OSBPL1A: variants seen among roughly 807,000 people sequenced by gnomAD.
The protein encoded by OSBPL1A is oxysterol-binding protein-related protein 1.
OSBPL1A carries 80 observed loss-of-function variants against 137.1 expected under a neutral mutation model. That is an observed-to-expected ratio of 0.58 (90% CI 0.49 to 0.70). The LOEUF is 0.70. OSBPL1A is among the 30% of genes least tolerant of loss of function. The pLI is 0.00. For missense variants in OSBPL1A, 970 were observed against 1,129.4 expected (o/e 0.86, Z 2.02); for synonymous variants, 365 against 389.7 (o/e 0.94, Z 0.75).
intron 4 of OSBPL1A, among the ~76,000 whole-genome samples, chr18:24,353,805 A>G (rs1420837139): frequency 6.6e-6 from 1 of 151,914 alleles, no homozygotes; most frequent in Non-Finnish European, 1.5e-5. Flanking sequence ...ATACTCAGCA[A>G]ACTATCGCAA....
chr18:24,188,055 G>C (rs1411639885), intron 18 of OSBPL1A, among the ~76,000 whole-genome samples: 1 of 152,202 alleles, frequency 6.6e-6, no homozygotes, highest in Non-Finnish European at 1.5e-5. Flanking sequence ...AGCTTTACCT[G>C]TAAGTCTGAT....
At chr18:24,295,775 G>A in intron 14 of OSBPL1A, among the ~76,000 whole-genome samples, 1 of 151,420 alleles carries the variant, frequency 6.6e-6, no homozygotes, top group Non-Finnish European at 1.5e-5. Flanking sequence ...TTATGTTTTT[G>A]TATGCTTTGT....
intron 4 of OSBPL1A, among the ~76,000 whole-genome samples, chr18:24,364,410 T>C (rs560964615): frequency 1.3e-5 from 2 of 152,222 alleles, no homozygotes; most frequent in South Asian, 4.1e-4. Flanking sequence ...CCACTGCTGC[T>C]CAAATACAGG....
chr18:24,182,235 A>G (rs951141383), intron 18 of OSBPL1A, among the ~76,000 whole-genome samples: 5 of 152,234 alleles, frequency 3.3e-5, no homozygotes, highest in Admixed American at 1.3e-4. Flanking sequence ...GCGACTCTCA[A>G]AAATAATTTA....
At chr18:24,218,827 A>T (rs1381313362) in intron 17 of OSBPL1A, among the ~76,000 whole-genome samples, 1 of 152,220 alleles carries the variant, frequency 6.6e-6, no homozygotes, top group Non-Finnish European at 1.5e-5. Flanking sequence ...TTCTCACCAT[A>T]AAAAATAAGC....
At chr18:24,263,929 G>A (rs2089505713) in intron 15 of OSBPL1A, among the ~76,000 whole-genome samples, 1 of 152,090 alleles carries the variant, frequency 6.6e-6, no homozygotes, top group South Asian at 2.1e-4. Flanking sequence ...GAGCCACTAC[G>A]TTCAGCCTAT....
chr18:24,201,898 A>G (rs2087232483), intron 17 of OSBPL1A, among the ~76,000 whole-genome samples: 1 of 152,202 alleles, frequency 6.6e-6, no homozygotes, highest in Non-Finnish European at 1.5e-5. Flanking sequence ...GCTAGGCTAG[A>G]CACTCAACAC....
chr18:24,258,294 G>A (rs1435177880), intron 15 of OSBPL1A, among the ~76,000 whole-genome samples: 3 of 152,098 alleles, frequency 2.0e-5, no homozygotes, highest in Admixed American at 6.5e-5. Context: ...ATAAAAAAAA[G>A]AACAAGATCC....
At chr18:24,397,142 T>C (rs1428708965) in intron 1 of OSBPL1A, among the ~76,000 whole-genome samples, 1 of 152,212 alleles carries the variant, frequency 6.6e-6, no homozygotes, top group Non-Finnish European at 1.5e-5. Context: ...TTAAAGTCTA[T>C]TGTGCAGCTG....
intron 15 of OSBPL1A, among the ~76,000 whole-genome samples, chr18:24,258,825 T>C (rs1263854496): frequency 1.3e-5 from 2 of 151,206 alleles, no homozygotes; most frequent in Non-Finnish European, 1.5e-5. Context: ...TTTAATGTAA[T>C]ATAATAAATC....
intron 17 of OSBPL1A, among the ~76,000 whole-genome samples, chr18:24,197,290 T>C (rs10469026): frequency 0.048 from 7,358 of 152,128 alleles, 368 homozygotes; most frequent in East Asian, 0.14. Context: ...GAGGTTGCAG[T>C]GAGCCGAGGT....
intron 11 of OSBPL1A, among the ~76,000 whole-genome samples, chr18:24,315,824 AATATATAGTATATATTATATAATAAAAT>A (rs2090721293): frequency 8.7e-6 from 1 of 115,224 alleles, no homozygotes; most frequent in South Asian, 2.3e-4. Context: ...TAAAATATAT[AATATATAGTATATATTATATAATAAAAT>A]ATATAATATA....
At chr18:24,274,233 C>A (rs1431390823) in intron 15 of OSBPL1A, among the ~76,000 whole-genome samples, 1,542 of 109,700 alleles carry the variant, frequency 0.014, no homozygotes, top group East Asian at 0.033. Context: ...GACTCCTTCA[C>A]AAAAAAAAAA....
chr18:24,262,019 G>A (rs1438862375), intron 15 of OSBPL1A, among the ~76,000 whole-genome samples: 1 of 152,032 alleles, frequency 6.6e-6, no homozygotes, highest in Non-Finnish European at 1.5e-5. Flanking sequence ...GTGGTTGCTG[G>A]GACCTGGTTT....
intron 17 of OSBPL1A, among the ~76,000 whole-genome samples, chr18:24,199,141 G>A (rs555317918): frequency 5.9e-5 from 9 of 152,198 alleles, no homozygotes; most frequent in African/African-American, 2.2e-4. Flanking sequence ...TTACAGGTGT[G>A]AGCCACCACA....
rs200734990 is a variant in OSBPL1A, at chr18:24,181,133, C to T, written c.1812+12G>A. On this transcript the variant is annotated intron_variant, in intron 19 of 27. Coordinates refer to ENST00000319481, the MANE Select transcript of OSBPL1A (RefSeq NM_080597.4). The stretch of plus-strand genomic sequence containing the variant: ...CTCTAAGAGTTAGACCTTTTCCTCC[C>T]TTGGCTCATACCTGCATCCTTTCCA... 6.2e-7 allele frequency: 1 copy of T among 1,612,550 alleles called. No individual in the cohort carries two copies. The highest frequency in any genetic ancestry group is 8.5e-7 in the Non-Finnish European group (1 of 1,179,428).
intron 13 of OSBPL1A, among the ~76,000 whole-genome samples, chr18:24,310,292 T>G (rs1444511069): frequency 6.6e-6 from 1 of 151,652 alleles, no homozygotes; most frequent in Non-Finnish European, 1.5e-5. Flanking sequence ...AAAATTATGC[T>G]AAAGAAGAAA....
At chr18:24,308,555 A>T (rs2090551111) in intron 13 of OSBPL1A, among the ~76,000 whole-genome samples, 1 of 151,226 alleles carries the variant, frequency 6.6e-6, no homozygotes, top group Non-Finnish European at 1.5e-5. Flanking sequence ...AACAGTTCAG[A>T]TCCTACAGAA....
chr18:24,230,852 A>G (rs1373166027), intron 16 of OSBPL1A, among the ~76,000 whole-genome samples: 1 of 152,224 alleles, frequency 6.6e-6, no homozygotes, highest in Admixed American at 6.5e-5. Context: ...GCCCTGAGTA[A>G]TGACGGGAAA....
Sources: allele counts gnomAD v4.1 joint callset (sites outside exome capture counted in the v4.1 genomes callset), GRCh38; gene constraint gnomAD v4.1.1; transcripts MANE v1.5; gene names NCBI Gene and HGNC (gene_info 2026-07-23, HGNC 2026-07-21).